The following NSG2 variants were observed in gnomAD, a reference collection of about 807,000 sequenced individuals.
The protein encoded by NSG2 is neuronal vesicle trafficking-associated protein 2.
NSG2 carries 4 observed loss-of-function variants against 16.9 expected under a neutral mutation model. The observed-to-expected ratio is 0.24, with a 90% confidence interval of 0.12 to 0.54. The LOEUF is 0.54. Among genes scored for constraint, NSG2 ranks in the 20% least tolerant of loss-of-function variants. The probability of loss-of-function intolerance (pLI) is 0.95; values close to 1 mark genes in which losing one functional copy is unlikely to be tolerated. For missense variants in NSG2, 179 were observed against 221.1 expected, an observed-to-expected ratio of 0.81 and a Z score of 1.21; for synonymous variants, 98 against 88.7, an observed-to-expected ratio of 1.11 and a Z score of -0.59.
intron 3 of NSG2, among the ~76,000 whole-genome samples, chr5:174,093,666 G>C (rs1431352280): frequency 6.6e-6 from 1 of 152,206 alleles, no homozygotes; most frequent in South Asian, 2.1e-4. Context: ...GCCTAATTCT[G>C]TCTCTGGAGG....
In NSG2 at chr5:174,072,788, A is replaced by C. The variant is rs1447011205; in HGVS notation, c.213+8473A>C. ...TGCTTGAACCCAGGAGTTTGAGACC[A>C]GCCTGGGCAACATGGCAAAACCCCA... On this transcript the variant is annotated intron_variant, in intron 3 of 4. Transcript: ENST00000303177. The surrounding 1 kb of genome is among the most constrained non-coding windows in gnomAD (Gnocchi z 4.0). Among the ~76,000 whole-genome samples the C allele has an allele frequency of 6.6e-6, 1 of 152,236 alleles. No homozygotes were observed. Among genetic ancestry groups the C allele is most frequent in the African/African-American group, 2.4e-5 (1 of 41,470 alleles).
At chr5:174,100,894 G>A (rs544193019) in intron 3 of NSG2, among the ~76,000 whole-genome samples, 1 of 152,376 alleles carries the variant, frequency 6.6e-6, no homozygotes, top group African/African-American at 2.4e-5. Flanking sequence ...ACCCATGTTG[G>A]GAGGTCTTGC....
intron 3 of NSG2, among the ~76,000 whole-genome samples, chr5:174,074,748 C>T (rs1331389765): frequency 2.0e-5 from 3 of 152,024 alleles, no homozygotes; most frequent in Non-Finnish European, 4.4e-5. Context: ...TGCAAAACTG[C>T]CATGCCTTTT....
At chr5:174,096,684 T>G in intron 3 of NSG2, among the ~76,000 whole-genome samples, 1 of 147,432 alleles carries the variant, frequency 6.8e-6, no homozygotes, top group African/African-American at 2.5e-5. Context: ...AGGGGAGAGG[T>G]GATGGTGGTC....
At chr5:174,101,689 C>T (rs1362568115) in intron 3 of NSG2, among the ~76,000 whole-genome samples, 1 of 152,184 alleles carries the variant, frequency 6.6e-6, no homozygotes, top group Non-Finnish European at 1.5e-5. Context: ...TTTATTCATT[C>T]ATCAGCAGAT....
chr5:174,104,845 C>T (rs1760952504), intron 4 of NSG2, among the ~76,000 whole-genome samples: 1 of 152,148 alleles, frequency 6.6e-6, no homozygotes, highest in Non-Finnish European at 1.5e-5. Flanking sequence ...TTTCTTGCCC[C>T]TCTGAACCTC....
intron 3 of NSG2, among the ~76,000 whole-genome samples, chr5:174,077,290 A>G (rs1311275867): frequency 6.6e-6 from 1 of 152,168 alleles, no homozygotes; most frequent in Non-Finnish European, 1.5e-5. Context: ...CGGTTTTGAC[A>G]TGTCAAGCCA....
intron 3 of NSG2, among the ~76,000 whole-genome samples, chr5:174,075,964 G>C (rs779857421): frequency 6.6e-5 from 10 of 152,170 alleles, no homozygotes; most frequent in East Asian, 3.8e-4. Flanking sequence ...TTCTTTAAGG[G>C]GTTTCAACCC....
chr5:174,047,010 T>A, intron 2 of NSG2, 126 bp downstream of exon 2: 1 of 919,372 alleles, frequency 1.1e-6, no homozygotes, highest in Non-Finnish European at 1.7e-6. Flanking sequence ...CCCTTTCTTG[T>A]AAAATGTAGT....
At chr5:174,084,329 G>A (rs762867694) in intron 3 of NSG2, among the ~76,000 whole-genome samples, 3 of 152,170 alleles carry the variant, frequency 2.0e-5, no homozygotes, top group Non-Finnish European at 2.9e-5. Context: ...TAAGATGAGC[G>A]AAACAAGTTA....
Position 174,075,749 on chromosome 5 carries a change from T to C in NSG2, c.213+11434T>C, listed in dbSNP as rs145434900. Among the ~76,000 whole-genome samples the C allele has an allele frequency of 2.8e-3, 419 of 152,354 alleles. 3 individuals carry two copies. The highest frequency in any genetic ancestry group is 9.3e-3 in the African/African-American group (386 of 41,580). ...TGCATGATTATATTAAATGTGATTC[T>C]TAAAAAATTGATGATGTTTAAGCTC... On this transcript the variant is annotated intron_variant, in intron 3 of 4. Coordinates refer to ENST00000303177, the MANE Select transcript of NSG2 (RefSeq NM_015980.5).
At chr5:174,054,502 T>G (rs1441219716) in intron 2 of NSG2, among the ~76,000 whole-genome samples, 1 of 152,082 alleles carries the variant, frequency 6.6e-6, no homozygotes, top group Non-Finnish European at 1.5e-5. Flanking sequence ...CCTGCCTCAG[T>G]CCCCTAAGTA....
chr5:174,089,765 C>G (rs1159012163), intron 3 of NSG2, among the ~76,000 whole-genome samples: 1 of 152,152 alleles, frequency 6.6e-6, no homozygotes, highest in Non-Finnish European at 1.5e-5. Context: ...CAGGTGTACA[C>G]TACCACCTCC....
At chr5:174,067,703 G>A (rs931343319) in intron 3 of NSG2, among the ~76,000 whole-genome samples, 1 of 152,366 alleles carries the variant, frequency 6.6e-6, no homozygotes, top group South Asian at 2.1e-4. Context: ...AGGTGCAGAG[G>A]TGGATGCAGG....
At chr5:174,065,509 G>T (rs949263362) in intron 3 of NSG2, among the ~76,000 whole-genome samples, 1 of 152,070 alleles carries the variant, frequency 6.6e-6, no homozygotes, top group Non-Finnish European at 1.5e-5. Context: ...GGAAGAGAAG[G>T]GACATGATTA....
At chr5:174,105,541 C>T (rs1760963694) in intron 4 of NSG2, among the ~76,000 whole-genome samples, 1 of 152,190 alleles carries the variant, frequency 6.6e-6, no homozygotes, top group Admixed American at 6.5e-5. Context: ...GGTAATGAAC[C>T]TGGAGACTAC....
rs571948632 is a variant in NSG2, at chr5:174,070,699, T to C, written c.213+6384T>C. 2.6e-5 allele frequency among the ~76,000 whole-genome samples: 4 copies of C among 152,304 alleles called. No individual in the cohort carries two copies. The East Asian group carries it at 7.7e-4, about 29-fold the overall frequency. On this transcript the variant is annotated intron_variant, in intron 3 of 4. Coordinates refer to ENST00000303177, the MANE Select transcript of NSG2 (RefSeq NM_015980.5). ...CTGTGCTCTTCCTGGAGTCAGCAAC[T>C]CTGGGACCCCTTCCTGATCCTCTAG...
chr5:174,046,531 G>A, intron 1 of NSG2: 1 of 544,976 alleles, frequency 1.8e-6, no homozygotes, highest in East Asian at 3.0e-5. Context: ...AACCCCATGG[G>A]AAGGTGGCAT....
intron 3 of NSG2, among the ~76,000 whole-genome samples, chr5:174,101,990 A>G (rs1022842125): frequency 1.3e-5 from 2 of 152,130 alleles, no homozygotes; most frequent in African/African-American, 4.8e-5. Flanking sequence ...ATCTCATCCC[A>G]TACTGTTATC....
Sources: gnomAD v4.1 joint callset for allele counts (sites outside exome capture counted in the v4.1 genomes callset) on GRCh38, gnomAD v4.1.1 for gene constraint, Gnocchi (gnomAD v3.1) non-coding constraint, MANE v1.5 for transcripts, NCBI Gene and HGNC (gene_info 2026-07-23, HGNC 2026-07-21) for gene names.